The following STRIP2 variants were observed in gnomAD, a reference collection of about 807,000 sequenced individuals.
The protein encoded by STRIP2 is striatin interacting protein 2.
In STRIP2, 84 loss-of-function variants were observed where a neutral mutation model predicts 107.1. That is an observed-to-expected ratio of 0.78 (90% CI 0.66 to 0.94). The LOEUF is 0.94. Ranked by LOEUF, STRIP2 falls within the 40% of genes least tolerant of loss-of-function variation. The pLI, the probability that STRIP2 is intolerant of heterozygous loss-of-function variation, is 0.00. For synonymous variants in STRIP2, 394 were observed against 400.4 expected, an observed-to-expected ratio of 0.98 and a Z score of 0.19; for missense variants, 888 against 1,034.2, an observed-to-expected ratio of 0.86 and a Z score of 1.94.
rs1256673706 is a variant in STRIP2 at position 129,458,220 on chromosome 7, C to T, written c.1044C>T (p.Leu348=). Residue 348 remains leucine, a synonymous_variant, in exon 10 of 21, where the codon CTC becomes CTT. Coordinates refer to ENST00000249344, the MANE Select transcript of STRIP2 (RefSeq NM_020704.3). This position sits in a 1 kb window ranked among gnomAD's most constrained non-coding sequence, Gnocchi z 4.6. ...CTCCCTTCTTTCCCCTCCAGCAACT[C>T]CTCACTAAGCAGGACAGCCTGGACA... The part of the protein sequence containing the change: ...LRGRRGSRRQ[L]LTKQDSLDIY... 1 of 1,613,968 alleles carries T rather than the reference C, an allele frequency of 6.2e-7. No individual in the cohort carries two copies. The highest frequency in any genetic ancestry group is 1.7e-5 in the Admixed American group (1 of 60,026).
chr7:129,460,427 G>A (rs1051739487), intron 13 of STRIP2, 55 bp downstream of exon 13: 20 of 1,463,896 alleles, frequency 1.4e-5, no homozygotes, highest in East Asian at 2.3e-5. Context: ...TGTCTTCAGT[G>A]TTGTCACAGA....
At chr7:129,484,333 A>G (rs1302969456) in intron 20 of STRIP2, among the ~76,000 whole-genome samples, 1 of 152,196 alleles carries the variant, frequency 6.6e-6, no homozygotes, top group Admixed American at 6.5e-5. Flanking sequence ...AACTTGTAAG[A>G]TTGATCAGAG....
chr7:129,437,521 C>G, intron 1 of STRIP2, among the ~76,000 whole-genome samples: 1 of 151,554 alleles, frequency 6.6e-6, no homozygotes. Flanking sequence ...AACTTTTGTT[C>G]CAGTTTGTGT....
At position 129,488,126 on chromosome 7, in the gene STRIP2, A is replaced by C. The variant is rs1244752220; in HGVS notation, c.*2297A>C. The stretch of plus-strand genomic sequence containing the variant: ...GGTTGCAGTGAGCCGAGATCATGCC[A>C]CTGCACTCCATCCTGGGCAACAAGA... On this transcript the variant is annotated 3_prime_UTR_variant, in exon 21 of 21. Transcript: ENST00000249344. 1 of 152,314 alleles carries C rather than the reference A, an allele frequency of 6.6e-6. No homozygotes were observed. Among genetic ancestry groups the C allele is most frequent in the East Asian group, 1.9e-4 (1 of 5,180 alleles). 9.4% of individuals were successfully genotyped at this position (152,314 alleles called of 1,614,324 possible). A position where few individuals can be genotyped will look rare whatever the true frequency, so the allele number is the denominator to read the frequency against.
At chr7:129,480,367 A>G (rs1021214606) in intron 18 of STRIP2, among the ~76,000 whole-genome samples, 3 of 152,244 alleles carry the variant, frequency 2.0e-5, no homozygotes, top group African/African-American at 7.2e-5. Context: ...ACCATAGTTG[A>G]TATCAGATCC....
Position 129,456,528 on chromosome 7 carries a change from C to G in STRIP2, c.924C>G (p.Ile308Met). The part of the protein sequence containing the change: ...LGLPPLAEDS[I>M]QVVKSMRAAS... Reference sequence around the variant, plus strand: ...TGCCTCCACTGGCTGAAGACAGTATCCAGGTGGTGAAGAGCATGCGTGCTG... The same window carrying G: ...TGCCTCCACTGGCTGAAGACAGTATGCAGGTGGTGAAGAGCATGCGTGCTG... Residue 308 changes from isoleucine to methionine, a missense_variant, in exon 9 of 21, where the codon ATC becomes ATG. By Grantham distance (10) the Ile-to-Met change is conservative. Transcript: ENST00000249344. 4 of 1,614,044 alleles carry G rather than the reference C, an allele frequency of 2.5e-6. No homozygotes were observed. In the South Asian group the frequency reaches 4.4e-5, roughly 18 times the overall value.
intron 4 of STRIP2, 116 bp downstream of exon 4, chr7:129,451,863 G>C (rs556609647): frequency 1.7e-5 from 22 of 1,271,914 alleles, no homozygotes; most frequent in Non-Finnish European, 2.3e-5. Context: ...TGCCTCTCAA[G>C]GACAGATCTT....
At chr7:129,444,822 G>A (rs1207571716) in intron 3 of STRIP2, among the ~76,000 whole-genome samples, 1 of 152,040 alleles carries the variant, frequency 6.6e-6, no homozygotes, top group Non-Finnish European at 1.5e-5. Context: ...ATTATATAAA[G>A]TTAACAATAC....
At chr7:129,457,501 G>A (rs1798398407) in intron 9 of STRIP2, among the ~76,000 whole-genome samples, 1 of 152,204 alleles carries the variant, frequency 6.6e-6, no homozygotes, top group Non-Finnish European at 1.5e-5. Flanking sequence ...AAGTTATACT[G>A]AGATCTGACT....
At chr7:129,468,174 A>G (rs1798714601) in intron 17 of STRIP2, among the ~76,000 whole-genome samples, 1 of 152,202 alleles carries the variant, frequency 6.6e-6, no homozygotes, top group African/African-American at 2.4e-5. Flanking sequence ...TACTTTCACA[A>G]GAACTGGAAA....
chr7:129,459,596 T>C lies in STRIP2; in HGVS notation c.1404+16T>C. The C allele has an allele frequency of 6.2e-7, 1 of 1,609,864 alleles. No homozygotes were observed. The highest frequency in any genetic ancestry group is 8.5e-7 in the Non-Finnish European group (1 of 1,176,170). ...CCTAAAGCAGGTGACTGGGGTGGGC[T>C]CTCAGTCTTCAGGGATAGGGAGCCA... On this transcript the variant is annotated intron_variant, in intron 12 of 20. Coordinates refer to ENST00000249344, the MANE Select transcript of STRIP2 (RefSeq NM_020704.3).
At chr7:129,481,005 T>C in intron 19 of STRIP2, 116 bp downstream of exon 19, 2 of 694,594 alleles carry the variant, frequency 2.9e-6, no homozygotes, top group Non-Finnish European at 4.9e-6. Flanking sequence ...CACTGAATGC[T>C]ACATAAGATT....
At chr7:129,470,976 A>C (rs1312381199) in intron 18 of STRIP2, among the ~76,000 whole-genome samples, 1 of 152,226 alleles carries the variant, frequency 6.6e-6, no homozygotes, top group African/African-American at 2.4e-5. Context: ...GGAATTTAGA[A>C]ACATAATGGG....
At chr7:129,480,502 G>A (rs1799089753) in intron 18 of STRIP2, among the ~76,000 whole-genome samples, 1 of 152,198 alleles carries the variant, frequency 6.6e-6, no homozygotes, top group Non-Finnish European at 1.5e-5. Context: ...TGATCCTAGA[G>A]CAATAAGCTA....
In STRIP2 at chr7:129,444,064, C is replaced by T. The variant is rs768000058; in HGVS notation, c.240C>T (p.Asn80=). The T allele has an allele frequency of 8.7e-6, 14 of 1,613,650 alleles. No individual in the cohort carries two copies. The South Asian group carries it at 1.4e-4, about 16-fold the overall frequency. ...CTGAGAACCTGGAATTCACCAATAA[C>T]AGGAGGTGCTTTGAAGAAGATTTCA... ...SYTENLEFTN[N]RRCFEEDFKT... The change falls in exon 3 of 21, where the codon AAC becomes AAT. Residue 80 remains asparagine (N), a synonymous_variant. Transcript: ENST00000249344.
chr7:129,437,891 T>C (rs1484025910), intron 1 of STRIP2, among the ~76,000 whole-genome samples: 1 of 151,210 alleles, frequency 6.6e-6, no homozygotes, highest in Non-Finnish European at 1.5e-5. Context: ...CTGCAAGCTC[T>C]GCCTCCCGGG....
chr7:129,434,767 G>A (rs911787914), intron 1 of STRIP2, among the ~76,000 whole-genome samples, 166 bp downstream of exon 1: 1 of 152,254 alleles, frequency 6.6e-6, no homozygotes, highest in African/African-American at 2.4e-5. Flanking sequence ...TCTTTGGCCC[G>A]GACCAGTGTC....
intron 1 of STRIP2, among the ~76,000 whole-genome samples, chr7:129,437,928 C>A (rs1351667685): frequency 6.6e-6 from 1 of 151,912 alleles, no homozygotes; most frequent in Admixed American, 6.6e-5. Context: ...GCCTCAGCCT[C>A]CCGAGTAGCT....
chr7:129,460,273 CT>C, intron 12 of STRIP2, 27 bp from the exon 13 acceptor site: 1 of 1,606,064 alleles, frequency 6.2e-7, no homozygotes. Context: ...GCCCTCAGCC[CT>C]TGTTGATGTC....
Sources: allele counts gnomAD v4.1 joint callset (sites outside exome capture counted in the v4.1 genomes callset), GRCh38; gene constraint gnomAD v4.1.1; non-coding constraint Gnocchi (gnomAD v3.1); transcripts MANE v1.5; gene names NCBI Gene and HGNC (gene_info 2026-07-23, HGNC 2026-07-21).